SH3PXD2B: variants seen among roughly 807,000 people sequenced by gnomAD.
SH3PXD2B encodes SH3 and PX domain-containing protein 2B.
Under a neutral mutation model 73.1 loss-of-function variants are expected in SH3PXD2B, and 37 were observed. The observed-to-expected ratio is 0.51, with a 90% CI of 0.39 to 0.67. The LOEUF is 0.67. Among genes scored for constraint, SH3PXD2B ranks in the 30% least tolerant of loss-of-function variants. The pLI, the probability that SH3PXD2B is intolerant of heterozygous loss-of-function variation, is 0.00. For missense variants in SH3PXD2B, 1,053 were observed against 1,197.8 expected (o/e 0.88, Z 1.78); for synonymous variants, 457 against 480.5 (o/e 0.95, Z 0.64).
intron 12 of SH3PXD2B, among the ~76,000 whole-genome samples, chr5:172,342,547 G>A (rs1409587710): frequency 6.6e-6 from 1 of 152,162 alleles, no homozygotes; most frequent in Non-Finnish European, 1.5e-5. Context: ...GATCACCTGG[G>A]TCAGGAGTTT....
intron 6 of SH3PXD2B, among the ~76,000 whole-genome samples, chr5:172,363,726 A>G (rs1179853968): frequency 2.0e-5 from 3 of 152,172 alleles, no homozygotes; most frequent in Non-Finnish European, 4.4e-5. Flanking sequence ...GAGGAAGTGC[A>G]TGGAAAGAGT....
chr5:172,336,602 AC>A lies in SH3PXD2B; in HGVS notation c.*1766del, dbSNP rs1407074513. 1.0e-6 allele frequency: 1 copy of A among 985,152 alleles called. No homozygotes were observed. Among genetic ancestry groups the A allele is most frequent in the Non-Finnish European group, 1.2e-6 (1 of 829,924 alleles). 61.0% of individuals were successfully genotyped at this position (985,152 alleles called of 1,614,324 possible). A position where few individuals can be genotyped will look rare whatever the true frequency, so the allele number is the denominator to read the frequency against. ...CAAAACTTTGGCACTGCAGGTAGACACTGAGCATCCCCCCAAAAAACTGGCT... is the reference window on the plus strand; with the variant it reads ...CAAAACTTTGGCACTGCAGGTAGACATGAGCATCCCCCCAAAAAACTGGCT... On this transcript the variant is annotated 3_prime_UTR_variant, in exon 13 of 13. Transcript: ENST00000311601.
chr5:172,325,408 C>G, intron 12 of SH3PXD2B: 1 of 1,485,110 alleles, frequency 6.7e-7, no homozygotes, highest in Non-Finnish European at 9.1e-7. Context: ...GAAAAATCAG[C>G]AAATCTTCAG....
intron 3 of SH3PXD2B, among the ~76,000 whole-genome samples, chr5:172,405,329 G>A (rs111599233): frequency 8.5e-5 from 13 of 152,354 alleles, no homozygotes; most frequent in African/African-American, 3.1e-4. Context: ...TATGCCTTCC[G>A]TTCACTTTAG....
intron 7 of SH3PXD2B, among the ~76,000 whole-genome samples, chr5:172,362,473 G>T (rs923430748): frequency 6.6e-6 from 1 of 152,196 alleles, no homozygotes; most frequent in East Asian, 1.9e-4. Context: ...CAGTGCTTTA[G>T]AACCAGAAGG....
At chr5:172,390,071 C>A (rs1395057544) in intron 4 of SH3PXD2B, among the ~76,000 whole-genome samples, 1 of 152,114 alleles carries the variant, frequency 6.6e-6, no homozygotes, top group Non-Finnish European at 1.5e-5. Context: ...TAAAATTTAC[C>A]CATTATAAGT....
chr5:172,335,809 T>C lies in SH3PXD2B; in HGVS notation c.*2560A>G. 4 of 1,229,732 alleles carry C rather than the reference T, an allele frequency of 3.3e-6. No homozygotes were observed. Among genetic ancestry groups the C allele is most frequent in the Non-Finnish European group, 4.1e-6 (4 of 987,390 alleles). 76.2% of individuals were successfully genotyped at this position (1,229,732 alleles called of 1,614,324 possible). A position where few individuals can be genotyped will look rare whatever the true frequency, so the allele number is the denominator to read the frequency against. The stretch of plus-strand genomic sequence containing the variant: ...CTGCCTGGGGAAGTGTCTACCATTG[T>C]AGGAAAAGGAGCTGGATACAGACGT... On this transcript the variant is annotated 3_prime_UTR_variant, in exon 13 of 13. Transcript: ENST00000311601.
rs1759494786 is a variant in SH3PXD2B, at chr5:172,439,570, C to T, written c.75+14708G>A. On this transcript the variant is annotated intron_variant, in intron 1 of 12. Coordinates refer to ENST00000311601, the MANE Select transcript of SH3PXD2B (RefSeq NM_001017995.3). The stretch of plus-strand genomic sequence containing the variant: ...GAGATTAGACACTGGAGGCCCCAAC[C>T]GAGTAGCCATCTTCCTTGGGCCAAC... 6.6e-5 allele frequency among the ~76,000 whole-genome samples: 10 copies of T among 152,228 alleles called. 1 individual carries two copies. In the South Asian group the frequency reaches 1.7e-3, roughly 25 times the overall value.
At chr5:172,422,031 G>A (rs111330621) in intron 2 of SH3PXD2B, among the ~76,000 whole-genome samples, 45,320 of 150,020 alleles carry the variant, frequency 0.3, 7,404 homozygotes, top group East Asian at 0.67. Context: ...TTTTGCTCTT[G>A]TTGCCCAGGC....
intron 5 of SH3PXD2B, among the ~76,000 whole-genome samples, chr5:172,375,506 C>G (rs2113357461): frequency 6.6e-6 from 1 of 152,320 alleles, no homozygotes; most frequent in East Asian, 1.9e-4. Context: ...TTAGTCACTT[C>G]CCATTCCCCC....
chr5:172,423,803 C>T (rs957516984), intron 1 of SH3PXD2B, among the ~76,000 whole-genome samples: 7 of 152,184 alleles, frequency 4.6e-5, no homozygotes, highest in South Asian at 2.1e-4. Context: ...CTACCGTGCC[C>T]GGCTAATTTT....
At chr5:172,366,073 T>G (rs964290214) in intron 6 of SH3PXD2B, among the ~76,000 whole-genome samples, 1 of 152,202 alleles carries the variant, frequency 6.6e-6, no homozygotes, top group African/African-American at 2.4e-5. Context: ...CTGCACCTGC[T>G]GCCCAGGTTA....
chr5:172,366,446 T>G (rs1383034125), intron 6 of SH3PXD2B, among the ~76,000 whole-genome samples: 1 of 152,116 alleles, frequency 6.6e-6, no homozygotes, highest in Non-Finnish European at 1.5e-5. Flanking sequence ...GATCTTGTCT[T>G]TTGGCCACTT....
chr5:172,370,542 C>T (rs1002159691), intron 6 of SH3PXD2B, among the ~76,000 whole-genome samples: 5 of 152,114 alleles, frequency 3.3e-5, no homozygotes, highest in Admixed American at 3.3e-4. Flanking sequence ...TGGAGCACAC[C>T]CCGGAGTGGC....
At chr5:172,327,414 A>G (rs1043440761) in intron 12 of SH3PXD2B, among the ~76,000 whole-genome samples, 6 of 152,226 alleles carry the variant, frequency 3.9e-5, no homozygotes, top group African/African-American at 7.2e-5. Context: ...AGTGGTCTAC[A>G]AAGTGGATTC....
Position 172,336,980 on chromosome 5 carries a change from C to G in SH3PXD2B, c.*1389G>C, listed in dbSNP as rs551315443. The stretch of plus-strand genomic sequence containing the variant: ...GCAGCTCTGCCTGGCCCTTGGTTAC[C>G]TGCCTCCCTATGGGACCGCTGCATG... On this transcript the variant is annotated 3_prime_UTR_variant, in exon 13 of 13. Transcript: ENST00000311601. 9.1e-6 allele frequency: 9 copies of G among 985,568 alleles called. No homozygotes were observed. The South Asian group carries it at 1.9e-4, about 21-fold the overall frequency. The allele number at this position is 985,568 out of a possible 1,614,324, so 61.1% of individuals were successfully genotyped here.
At chr5:172,326,893 G>T (rs917234112) in intron 12 of SH3PXD2B, among the ~76,000 whole-genome samples, 12 of 134,122 alleles carry the variant, frequency 8.9e-5, no homozygotes, top group South Asian at 4.6e-4. Context: ...GTCTCACTCT[G>T]TCGCCCAAGC....
Position 172,362,637 on chromosome 5 carries a change from T to C in SH3PXD2B, c.562+98A>G, listed in dbSNP as rs1012713960. ...AGCAGGATCTATGGGAACTGGCCAG[T>C]CTGGACTGGCCATTTCAGTTTCTGA... On this transcript the variant is annotated intron_variant, in intron 7 of 12. Coordinates refer to ENST00000311601, the MANE Select transcript of SH3PXD2B (RefSeq NM_001017995.3). The C allele has an allele frequency of 3.8e-6, 6 of 1,578,092 alleles. No homozygotes were observed. The African/African-American group carries it at 8.1e-5, about 21-fold the overall frequency.
chr5:172,429,111 T>C (rs927841334), intron 1 of SH3PXD2B, among the ~76,000 whole-genome samples: 5 of 152,200 alleles, frequency 3.3e-5, no homozygotes, highest in African/African-American at 1.2e-4. Context: ...TGCCCAGCAC[T>C]GGGCAGGGTG....
Sources: allele counts gnomAD v4.1 joint callset (sites outside exome capture counted in the v4.1 genomes callset), GRCh38; gene constraint gnomAD v4.1.1; transcripts MANE v1.5; gene names NCBI Gene and HGNC (gene_info 2026-07-23, HGNC 2026-07-21).